The following CPXM2 variants were observed in gnomAD, a reference collection of about 807,000 sequenced individuals.
The protein encoded by CPXM2 is inactive carboxypeptidase-like protein X2.
Under a neutral mutation model 86.1 loss-of-function variants are expected in CPXM2, and 66 were observed. The ratio of observed to expected loss-of-function variants is 0.77; its 90% CI spans 0.63 to 0.94. CPXM2 has a LOEUF of 0.94. Ranked by LOEUF, CPXM2 falls within the 40% of genes least tolerant of loss-of-function variation. The pLI, the probability that CPXM2 is intolerant of heterozygous loss-of-function variation, is 0.00. For synonymous variants in CPXM2, 388 were observed against 400.2 expected (o/e 0.97, Z 0.36); for missense variants, 948 against 1,026.3 (o/e 0.92, Z 1.04).
intron 3 of CPXM2, among the ~76,000 whole-genome samples, chr10:123,842,820 C>T (rs751884364): frequency 4.6e-5 from 7 of 152,160 alleles, no homozygotes; most frequent in South Asian, 2.1e-4. Context: ...GTGCTGGGGA[C>T]GCAAAGGTGA....
At chr10:123,813,050 T>C (rs959131341) in intron 4 of CPXM2, among the ~76,000 whole-genome samples, 9 of 152,240 alleles carry the variant, frequency 5.9e-5, no homozygotes, top group Non-Finnish European at 1.3e-4. Flanking sequence ...TTGAATGTTG[T>C]ACAATAGGCC....
intron 2 of CPXM2, among the ~76,000 whole-genome samples, chr10:123,906,232 T>A (rs1162198940): frequency 2.0e-5 from 3 of 152,226 alleles, no homozygotes; most frequent in Non-Finnish European, 4.4e-5. Context: ...AACCTCGTTC[T>A]TTAACCTTAC....
At chr10:123,810,598 A>G (rs953059521) in intron 4 of CPXM2, among the ~76,000 whole-genome samples, 1 of 152,116 alleles carries the variant, frequency 6.6e-6, no homozygotes, top group Non-Finnish European at 1.5e-5. Context: ...ACCAGCTGCC[A>G]AAAATAAGGT....
At chr10:123,881,265 T>TCCCTTCCCTTCCCTTCCC in intron 1 of CPXM2, among the ~76,000 whole-genome samples, 1 of 63,608 alleles carries the variant, frequency 1.6e-5, no homozygotes, top group South Asian at 3.7e-4. Flanking sequence ...TCCCTTCCCT[T>TCCCTTCCCTTCCCTTCCC]TACGCTCAAG....
upstream of CPXM2, among the ~76,000 whole-genome samples, chr10:123,942,384 G>A (rs1262857311): frequency 6.6e-6 from 1 of 152,078 alleles, no homozygotes; most frequent in Admixed American, 6.6e-5. Flanking sequence ...ACAAGATACA[G>A]GTCACAAAGA....
intron 4 of CPXM2, among the ~76,000 whole-genome samples, chr10:123,802,070 G>A (rs1847470981): frequency 6.6e-6 from 1 of 152,212 alleles, no homozygotes; most frequent in African/African-American, 2.4e-5. Context: ...GCACTTGGAG[G>A]ACAGAAAGGA....
At chr10:123,768,781 T>G (rs1219724) in intron 8 of CPXM2, 59 bp from the exon 9 acceptor site, 552,904 of 1,440,852 alleles carry the variant, frequency 0.38, 110,704 homozygotes, top group East Asian at 0.59. Context: ...GGCCAAACGG[T>G]GCTTGTCACA....
chr10:123,790,192 A>G (rs1444956180), intron 6 of CPXM2, among the ~76,000 whole-genome samples: 1 of 152,158 alleles, frequency 6.6e-6, no homozygotes, highest in Non-Finnish European at 1.5e-5. Flanking sequence ...GTGGTTACAG[A>G]ACAGGTGACT....
rs115828575 is a variant in CPXM2 at position 123,780,924 on chromosome 10, T to C, written c.890-669A>G. The stretch of plus-strand genomic sequence containing the variant: ...AAGACTTGACTGACACAGAGGAGGA[T>C]TGAGTAACAATCTCTCCCCAGCAGT... On this transcript the variant is annotated intron_variant, in intron 6 of 13. Transcript: ENST00000241305. Among the ~76,000 whole-genome samples, 1,192 of 152,252 alleles carry C rather than the reference T, an allele frequency of 7.8e-3. 22 individuals carry two copies. Among genetic ancestry groups the C allele is most frequent in the African/African-American group, 0.027 (1,124 of 41,552 alleles).
At chr10:123,783,545 C>T (rs1298278467) in intron 6 of CPXM2, among the ~76,000 whole-genome samples, 1 of 152,130 alleles carries the variant, frequency 6.6e-6, no homozygotes, top group Admixed American at 6.5e-5. Context: ...TCTGCTGGAG[C>T]CCTTGGAGGG....
chr10:123,926,226 C>T (rs1039530762), intron 2 of CPXM2, among the ~76,000 whole-genome samples: 2 of 152,222 alleles, frequency 1.3e-5, no homozygotes, highest in Non-Finnish European at 2.9e-5. Flanking sequence ...CCTAATCTTC[C>T]GATACCGGGT....
intron 2 of CPXM2, among the ~76,000 whole-genome samples, chr10:123,933,590 T>C (rs1301425358): frequency 2.0e-5 from 3 of 152,020 alleles, no homozygotes. Context: ...TGGTGGCATA[T>C]GCCTGTAATC....
In CPXM2 at chr10:123,833,683, T is replaced by C. The variant is rs115409689; in HGVS notation, c.653+8666A>G. 2.1e-3 allele frequency among the ~76,000 whole-genome samples: 313 copies of C among 152,328 alleles called. 2 individuals are homozygous for C. Among genetic ancestry groups the C allele is most frequent in the African/African-American group, 7.4e-3 (307 of 41,566 alleles). ...GAAACTGAGGCTTGGAAGGGCAAGA[T>C]GGCCACTGGCCCACCCACCTACTCA... On this transcript the variant is annotated intron_variant, in intron 4 of 13. Transcript: ENST00000241305.
Position 123,901,429 on chromosome 10 carries a change from T to TTGTGTGTGTGTGTGTGTGTGTG in CPXM2, n.175-21142_175-21121dup, listed in dbSNP as rs3069582. Among the ~76,000 whole-genome samples the TTGTGTGTGTGTGTGTGTGTGTG allele has an allele frequency of 3.4e-4, 47 of 139,038 alleles. 1 individual carries two copies. The highest frequency in any genetic ancestry group is 4.4e-4 in the African/African-American group (16 of 36,054). The allele number at this position is 139,038 out of a possible 152,430, so 91.2% of individuals were successfully genotyped here. On this transcript the variant is annotated intron_variant and non_coding_transcript_variant, in intron 2 of 19. Transcript: ENST00000368854. ...TTGTTTTCCTTCCATCCAAGCAAGT[T>TTGTGTGTGTGTGTGTGTGTGTG]TGTGTGTGTGTGTGTGTGTGTGTGT...
At chr10:123,803,387 T>C (rs55782424) in intron 4 of CPXM2, among the ~76,000 whole-genome samples, 16,925 of 152,030 alleles carry the variant, frequency 0.11, 1,218 homozygotes, top group African/African-American at 0.21. Flanking sequence ...GCTGGGATTA[T>C]AGGTGTGTGC....
intron 6 of CPXM2, among the ~76,000 whole-genome samples, chr10:123,789,960 T>C (rs570951762): frequency 6.6e-6 from 1 of 151,976 alleles, no homozygotes; most frequent in South Asian, 2.1e-4. Context: ...CTACTAAAAT[T>C]ACAAAAAATT....
At position 123,754,899 on chromosome 10, in the gene CPXM2, G is replaced by C. The variant is rs557103941; in HGVS notation, c.1918-137C>G. 2.9e-5 allele frequency: 19 copies of C among 648,392 alleles called. No individual in the cohort carries two copies. In the South Asian group the frequency reaches 3.5e-4, roughly 12 times the overall value. The allele number at this position is 648,392 out of a possible 1,614,324, so 40.2% of individuals were successfully genotyped here. ...CACAGCACCACGTCTTGCTCAGAAG[G>C]CTTGGAACCGAAAAGCAGTTCATTG... On this transcript the variant is annotated intron_variant, in intron 12 of 13. Coordinates refer to ENST00000241305, the MANE Select transcript of CPXM2 (RefSeq NM_198148.3). This position sits in a 1 kb window ranked among gnomAD's most constrained non-coding sequence, Gnocchi z 4.0.
rs117888204 is a variant in CPXM2 at position 123,860,447 on chromosome 10, G to A, written c.513+2167C>T. 7.9e-3 allele frequency among the ~76,000 whole-genome samples: 1,196 copies of A among 152,188 alleles called. 9 individuals carry two copies. The highest frequency in any genetic ancestry group is 0.01 in the Non-Finnish European group (701 of 68,018). The stretch of plus-strand genomic sequence containing the variant: ...GGCACACCCTGCGTGGCACTCTGCC[G>A]GTGGAATTCCCAACTGGAGGGACAA... On this transcript the variant is annotated intron_variant, in intron 3 of 13. Coordinates refer to ENST00000241305, the MANE Select transcript of CPXM2 (RefSeq NM_198148.3).
chr10:123,916,009 G>A (rs1246640297), intron 2 of CPXM2, among the ~76,000 whole-genome samples: 2 of 152,150 alleles, frequency 1.3e-5, no homozygotes, highest in African/African-American at 2.4e-5. Context: ...CACCAGCTTT[G>A]AAAGCTTGTG....
Sources: allele counts gnomAD v4.1 joint callset (sites outside exome capture counted in the v4.1 genomes callset), GRCh38; gene constraint gnomAD v4.1.1; non-coding constraint Gnocchi (gnomAD v3.1); transcripts MANE v1.5; gene names NCBI Gene and HGNC (gene_info 2026-07-23, HGNC 2026-07-21).